Variants in CASZ1 observed in about 807,000 individuals in gnomAD.
CASZ1 encodes zinc finger protein castor homolog 1.
CASZ1 carries 28 observed loss-of-function variants against 135.2 expected under a neutral mutation model. The observed-to-expected ratio is 0.21, with a 90% CI of 0.15 to 0.28. The LOEUF is 0.28. CASZ1 is among the 10% of genes least tolerant of loss of function. The pLI, the probability that CASZ1 is intolerant of heterozygous loss-of-function variation, is 1.00. For missense variants in CASZ1, 2,161 were observed against 2,453.3 expected (o/e 0.88, Z 2.52); for synonymous variants, 1,068 against 1,073.4 (o/e 0.99, Z 0.10).
Position 10,694,626 on chromosome 1 carries a change from T to G in CASZ1, c.-23-714A>C. On this transcript the variant is annotated intron_variant, in intron 3 of 20. Coordinates refer to ENST00000377022, the MANE Select transcript of CASZ1 (RefSeq NM_001079843.3). The surrounding 1 kb of genome is among the most constrained non-coding windows in gnomAD (Gnocchi z 6.6). ...CGCCGCCGCCGCCGCCGCCGCCCGG[T>G]GCGCCCGCCCGCCGCCCGCCGCCCG... 7.5e-6 allele frequency: 1 copy of G among 133,144 alleles called. No homozygotes were observed. The highest frequency in any genetic ancestry group is 2.4e-4 in the East Asian group (1 of 4,200). The allele number at this position is 133,144 out of a possible 1,614,324, so 8.2% of individuals were successfully genotyped here.
intron 3 of CASZ1, chr1:10,704,167 C>A (rs561000845): frequency 6.2e-4 from 95 of 152,406 alleles, no homozygotes; most frequent in Middle Eastern, 3.4e-3. Context: ...TCCTGAGGAG[C>A]CTTCCACGGC....
chr1:10,683,398 G>A (rs1279554685), intron 4 of CASZ1, among the ~76,000 whole-genome samples: 1 of 152,128 alleles, frequency 6.6e-6, no homozygotes, highest in South Asian at 2.1e-4. Context: ...TGCCTGCAAA[G>A]CAGTGAGTTT....
At chr1:10,670,868 C>G (rs1467331535) in intron 4 of CASZ1, among the ~76,000 whole-genome samples, 5 of 152,184 alleles carry the variant, frequency 3.3e-5, no homozygotes, top group Admixed American at 6.5e-5. Flanking sequence ...CCCTCCATCC[C>G]CTCCGAGAAG....
chr1:10,655,616 CA>C, intron 9 of CASZ1, 32 bp downstream of exon 9: 1 of 1,588,536 alleles, frequency 6.3e-7, no homozygotes, highest in Non-Finnish European at 8.6e-7. Flanking sequence ...GCCAGTCCTG[CA>C]GCTGCCCAGT....
intron 1 of CASZ1, among the ~76,000 whole-genome samples, chr1:10,763,030 G>A (rs1048781400): frequency 2.6e-5 from 4 of 152,184 alleles, no homozygotes; most frequent in African/African-American, 7.2e-5. Flanking sequence ...TTTCCCCCAC[G>A]GTCTTCCCCA....
intron 2 of CASZ1, among the ~76,000 whole-genome samples, chr1:10,744,174 G>T (rs1019921591): frequency 3.3e-5 from 5 of 151,980 alleles, no homozygotes; most frequent in Admixed American, 6.5e-5. Flanking sequence ...AAAAACAGCT[G>T]CTGTGGCTTT....
intron 4 of CASZ1, among the ~76,000 whole-genome samples, chr1:10,684,496 G>T (rs1638524504): frequency 6.6e-6 from 1 of 152,188 alleles, no homozygotes; most frequent in South Asian, 2.1e-4. Context: ...ACAGAGACAT[G>T]GTCCATTCAG....
intron 4 of CASZ1, among the ~76,000 whole-genome samples, chr1:10,683,218 C>A (rs1638482331): frequency 6.6e-6 from 1 of 152,224 alleles, no homozygotes; most frequent in Admixed American, 6.5e-5. Flanking sequence ...ACGTTCCTTC[C>A]TCTGGGTTAG....
In CASZ1 at chr1:10,655,772, C is replaced by T; in HGVS notation, c.1542G>A (p.Met514Ile). The stretch of plus-strand genomic sequence containing the variant: ...GCAGGGAGTTGTCGCGCTTCTTGTG[C>T]ATGTTGTAGTGGCGGATCACGTCCT... The part of the protein sequence containing the change: ...SKQDVIRHYN[M>I]HKKRDNSLQH... Residue 514 changes from methionine (M) to isoleucine (I), a missense_variant, in exon 9 of 21, where the codon ATG becomes ATA. Met to Ile is a conservative substitution (Grantham distance 10). Transcript: ENST00000377022. 6.2e-7 allele frequency: 1 copy of T among 1,614,196 alleles called. No homozygotes were observed. Among genetic ancestry groups the T allele is most frequent in the South Asian group, 1.1e-5 (1 of 91,086 alleles).
intron 4 of CASZ1, among the ~76,000 whole-genome samples, chr1:10,691,593 G>A (rs1472558707): frequency 1.3e-5 from 2 of 152,254 alleles, no homozygotes; most frequent in Non-Finnish European, 2.9e-5. Context: ...CTGCCCCAGA[G>A]GAAGGGACCC....
intron 5 of CASZ1, 181 bp from the exon 6 acceptor site, chr1:10,660,717 TAAAA>T (rs906977259): frequency 1.7e-6 from 1 of 572,958 alleles, no homozygotes; most frequent in Non-Finnish European, 3.1e-6. Flanking sequence ...TAATTTGTTT[TAAAA>T]AAAAGTAATT....
chr1:10,652,468 C>G (rs1642625739), intron 11 of CASZ1: 1 of 152,262 alleles, frequency 6.6e-6, no homozygotes, highest in South Asian at 2.1e-4. Flanking sequence ...GTGAAATGAG[C>G]CACATCCCAG....
rs1363490636 is a variant in CASZ1, at chr1:10,739,804, C to T, written c.-77+20897G>A. Among the ~76,000 whole-genome samples the T allele has an allele frequency of 6.6e-6, 1 of 152,206 alleles. No individual in the cohort carries two copies. The highest frequency in any genetic ancestry group is 1.5e-5 in the Non-Finnish European group (1 of 68,042). ...CTCTAGCACATGCCTTTTGCCACCT[C>T]CCCCACTGGTCCTGGCTCTTCCTTC... is the stretch of plus-strand genomic sequence containing the variant. On this transcript the variant is annotated intron_variant, in intron 2 of 20. Transcript: ENST00000377022. The surrounding 1 kb of genome is among the most constrained non-coding windows in gnomAD (Gnocchi z 4.8).
In CASZ1 at chr1:10,666,949, T is replaced by G. The variant is rs577313868; in HGVS notation, c.17-1378A>C. On this transcript the variant is annotated intron_variant, in intron 4 of 20. Transcript: ENST00000377022. The surrounding 1 kb of genome is among the most constrained non-coding windows in gnomAD (Gnocchi z 5.2). ...AGGGGCTCGGCTCACACTCACTGTGTACAAAACAAAATGTGCCTCTCCATG... is the reference window on the plus strand; with the variant it reads ...AGGGGCTCGGCTCACACTCACTGTGGACAAAACAAAATGTGCCTCTCCATG... 2.0e-5 allele frequency among the ~76,000 whole-genome samples: 3 copies of G among 152,308 alleles called. No homozygotes were observed. In the South Asian group the frequency reaches 6.2e-4, roughly 32 times the overall value.
intron 1 of CASZ1, among the ~76,000 whole-genome samples, chr1:10,781,594 T>C (rs1262545914): frequency 6.6e-6 from 1 of 152,218 alleles, no homozygotes; most frequent in Non-Finnish European, 1.5e-5. Context: ...TCCAACAGAC[T>C]TGTGGTGGCC....
intron 2 of CASZ1, among the ~76,000 whole-genome samples, chr1:10,749,780 A>G (rs1393976136): frequency 6.6e-6 from 1 of 152,182 alleles, no homozygotes; most frequent in Non-Finnish European, 1.5e-5. Context: ...CCTATTTCTT[A>G]GAAGTGTTAA....
intron 1 of CASZ1, among the ~76,000 whole-genome samples, chr1:10,778,703 C>G (rs1345871628): frequency 1.3e-5 from 2 of 152,186 alleles, no homozygotes; most frequent in African/African-American, 2.4e-5. Context: ...CCCAGGCAAA[C>G]GTGTCCTTGC....
chr1:10,689,589 T>G (rs1638703163), intron 4 of CASZ1, among the ~76,000 whole-genome samples: 1 of 152,186 alleles, frequency 6.6e-6, no homozygotes, highest in Admixed American at 6.5e-5. Flanking sequence ...CTTCTGCCTC[T>G]GCCTCTTGTT....
Position 10,693,899 on chromosome 1 carries a change from C to G in CASZ1, c.-10G>C. 1 of 1,613,376 alleles carries G rather than the reference C, an allele frequency of 6.2e-7. No homozygotes were observed. The highest frequency in any genetic ancestry group is 8.5e-7 in the Non-Finnish European group (1 of 1,179,598). Reference sequence around the variant, plus strand: ...CTGTTCCAAGATCCATTCTCTTCTCCTTGGTCCCAAACTCTTCGCAGAACG... The same window carrying G: ...CTGTTCCAAGATCCATTCTCTTCTCGTTGGTCCCAAACTCTTCGCAGAACG... On this transcript the variant is annotated 5_prime_UTR_variant, in exon 4 of 21. Coordinates refer to ENST00000377022, the MANE Select transcript of CASZ1 (RefSeq NM_001079843.3).
Sources: allele counts gnomAD v4.1 joint callset (sites outside exome capture counted in the v4.1 genomes callset), GRCh38; gene constraint gnomAD v4.1.1; non-coding constraint Gnocchi (gnomAD v3.1); transcripts MANE v1.5; gene names NCBI Gene and HGNC (gene_info 2026-07-23, HGNC 2026-07-21).